Variants in ARL15 observed in about 807,000 individuals in gnomAD.
The protein encoded by ARL15 is ADP-ribosylation factor-like protein 15.
ARL15 carries 19 observed loss-of-function variants against 25.2 expected under a neutral mutation model. The ratio of observed to expected loss-of-function variants is 0.75; its 90% CI spans 0.53 to 1.10. The LOEUF is 1.10. Ranked by LOEUF, ARL15 falls within the 50% of genes least tolerant of loss-of-function variation. The probability of loss-of-function intolerance (pLI) is 0.00; values close to 1 mark genes in which losing one functional copy is unlikely to be tolerated. For missense variants in ARL15, 220 were observed against 246.0 expected (o/e 0.89, Z 0.71); for synonymous variants, 94 against 86.8 (o/e 1.08, Z -0.46).
chr5:53,943,113 G>A (rs1746599189), intron 4 of ARL15, among the ~76,000 whole-genome samples: 1 of 152,136 alleles, frequency 6.6e-6, no homozygotes, highest in Admixed American at 6.5e-5. Flanking sequence ...GGTCAGTGGG[G>A]AGTGGGCGGG....
intron 1 of ARL15, among the ~76,000 whole-genome samples, chr5:54,176,165 G>A (rs1387475954): frequency 6.6e-6 from 1 of 152,196 alleles, no homozygotes; most frequent in African/African-American, 2.4e-5. Context: ...ACCACAGGCT[G>A]TGGAAATAAG....
Position 53,885,735 on chromosome 5 carries a change from T to C in ARL15, c.*826A>G, listed in dbSNP as rs1744502211. ...TATTTTCTCTATTTTAATCAAACACTTGAAGTTTTTAGAAAAAGATACCTA... is the reference window on the plus strand; with the variant it reads ...TATTTTCTCTATTTTAATCAAACACCTGAAGTTTTTAGAAAAAGATACCTA... On this transcript the variant is annotated 3_prime_UTR_variant, in exon 5 of 5. Coordinates refer to ENST00000504924, the MANE Select transcript of ARL15 (RefSeq NM_019087.3). 6.6e-6 allele frequency: 1 copy of C among 152,212 alleles called. No homozygotes were observed. The highest frequency in any genetic ancestry group is 1.5e-5 in the Non-Finnish European group (1 of 68,026). The allele number at this position is 152,212 out of a possible 1,614,324, so 9.4% of individuals were successfully genotyped here. A position where few individuals can be genotyped will look rare whatever the true frequency, so the allele number is the denominator to read the frequency against.
chr5:54,140,332 A>G (rs1245080610), intron 3 of ARL15, among the ~76,000 whole-genome samples: 5 of 152,000 alleles, frequency 3.3e-5, no homozygotes, highest in Non-Finnish European at 7.4e-5. Flanking sequence ...ATAATATGGT[A>G]ATCCCACTAC....
intron 4 of ARL15, among the ~76,000 whole-genome samples, chr5:54,102,257 C>G (rs1473290639): frequency 6.6e-6 from 1 of 152,098 alleles, no homozygotes; most frequent in African/African-American, 2.4e-5. Flanking sequence ...TGTGATCCAC[C>G]CGCCTTGGCC....
At chr5:54,265,136 T>A (rs1757591864) in intron 1 of ARL15, among the ~76,000 whole-genome samples, 1 of 152,200 alleles carries the variant, frequency 6.6e-6, no homozygotes, top group Non-Finnish European at 1.5e-5. Flanking sequence ...GTAATTTTTT[T>A]AAATAAAAGT....
intron 4 of ARL15, among the ~76,000 whole-genome samples, chr5:54,083,492 T>C (rs990944983): frequency 2.6e-5 from 4 of 152,228 alleles, no homozygotes; most frequent in Non-Finnish European, 5.9e-5. Flanking sequence ...GACAATGAAA[T>C]GAATCTGAAT....
At chr5:53,897,413 T>C (rs1246723442) in intron 4 of ARL15, among the ~76,000 whole-genome samples, 1 of 152,252 alleles carries the variant, frequency 6.6e-6, no homozygotes, top group Non-Finnish European at 1.5e-5. Context: ...CTGTAGTATG[T>C]ATCAATACTT....
At chr5:54,024,779 T>C (rs1236236617) in intron 4 of ARL15, among the ~76,000 whole-genome samples, 1 of 152,154 alleles carries the variant, frequency 6.6e-6, no homozygotes, top group Non-Finnish European at 1.5e-5. Context: ...AGAAAAGAGA[T>C]ATATATACAA....
At chr5:53,976,381 C>T (rs1270917721) in intron 4 of ARL15, among the ~76,000 whole-genome samples, 2 of 152,238 alleles carry the variant, frequency 1.3e-5, no homozygotes, top group Non-Finnish European at 2.9e-5. Context: ...TGGGATGTCA[C>T]ATGAGCCAGA....
intron 4 of ARL15, among the ~76,000 whole-genome samples, chr5:53,986,300 T>C (rs889804082): frequency 6.6e-6 from 1 of 152,064 alleles, no homozygotes; most frequent in African/African-American, 2.4e-5. Flanking sequence ...AGAGAGAAAA[T>C]AAAAACCAGC....
chr5:54,231,537 G>A (rs1277789718), intron 1 of ARL15, among the ~76,000 whole-genome samples: 1 of 152,138 alleles, frequency 6.6e-6, no homozygotes, highest in Non-Finnish European at 1.5e-5. Flanking sequence ...AACAAGGCTG[G>A]CAGAGCTCAT....
At chr5:54,093,447 C>A (rs556350436) in intron 4 of ARL15, among the ~76,000 whole-genome samples, 43 of 152,260 alleles carry the variant, frequency 2.8e-4, no homozygotes, top group African/African-American at 9.9e-4. Flanking sequence ...ATTCTCCCTG[C>A]ACTCACTTTG....
chr5:54,160,706 T>G (rs1366852814), intron 2 of ARL15, among the ~76,000 whole-genome samples: 4 of 152,174 alleles, frequency 2.6e-5, no homozygotes, highest in African/African-American at 9.7e-5. Flanking sequence ...TAAGTATCTT[T>G]TAAAAATTAT....
intron 4 of ARL15, among the ~76,000 whole-genome samples, chr5:54,036,919 G>T (rs1750185802): frequency 6.6e-6 from 1 of 152,010 alleles, no homozygotes; most frequent in South Asian, 2.1e-4. Flanking sequence ...TCAAAGGGAT[G>T]ATTTTATTTT....
intron 3 of ARL15, among the ~76,000 whole-genome samples, chr5:54,147,898 G>A (rs1427976500): frequency 6.6e-6 from 1 of 152,130 alleles, no homozygotes; most frequent in Non-Finnish European, 1.5e-5. Context: ...GCTTTGCAGT[G>A]TGGCATGAGT....
At chr5:54,098,631 G>A (rs1045289727) in intron 4 of ARL15, among the ~76,000 whole-genome samples, 1 of 152,086 alleles carries the variant, frequency 6.6e-6, no homozygotes, top group East Asian at 1.9e-4. Context: ...GCACACCCTC[G>A]TTTTTGTTAA....
rs181549081 is a variant in ARL15 at position 54,175,617 on chromosome 5, G to A, written c.49-3689C>T. ...CCCAAAGTGCTGGGATTACAGGTGT[G>A]AGCCACCATGCCCAGCCTTCTCTTC... On this transcript the variant is annotated intron_variant, in intron 1 of 4. Coordinates refer to ENST00000504924, the MANE Select transcript of ARL15 (RefSeq NM_019087.3). 2.9e-4 allele frequency among the ~76,000 whole-genome samples: 44 copies of A among 151,512 alleles called. No individual in the cohort carries two copies. In the East Asian group the frequency reaches 4.7e-3, roughly 16 times the overall value.
intron 4 of ARL15, among the ~76,000 whole-genome samples, chr5:54,018,133 CAA>C (rs1368333022): frequency 6.6e-6 from 1 of 152,096 alleles, no homozygotes; most frequent in African/African-American, 2.4e-5. Flanking sequence ...ACTGTACCGC[CAA>C]GTTTACCTGT....
chr5:54,122,000 T>G (rs1342741573), intron 3 of ARL15, among the ~76,000 whole-genome samples: 1 of 152,150 alleles, frequency 6.6e-6, no homozygotes, highest in Non-Finnish European at 1.5e-5. Context: ...AAGAACTAAC[T>G]CAAGTTAGCT....
Sources: gnomAD v4.1 joint callset for allele counts (sites outside exome capture counted in the v4.1 genomes callset) on GRCh38, gnomAD v4.1.1 for gene constraint, MANE v1.5 for transcripts, NCBI Gene and HGNC (gene_info 2026-07-23, HGNC 2026-07-21) for gene names.